MS4A10: variants seen among roughly 807,000 people sequenced by gnomAD.
MS4A10 encodes membrane spanning 4-domains A10.
MS4A10 carries 27 observed loss-of-function variants against 27.7 expected under a neutral mutation model. The observed-to-expected ratio is 0.98, with a 90% confidence interval of 0.72 to 1.35. The LOEUF is 1.35. Among genes scored for constraint, MS4A10 ranks in the 40% most tolerant of loss-of-function variants. MS4A10 has a pLI of 0.00. For synonymous variants in MS4A10, 139 were observed against 131.2 expected (o/e 1.06, Z -0.41); for missense variants, 338 against 324.7 (o/e 1.04, Z -0.32).
rs998141146 is a variant in MS4A10, at chr11:60,801,112, A to G, written c.*1203A>G. On this transcript the variant is annotated 3_prime_UTR_variant, in exon 8 of 8. Coordinates refer to ENST00000308287, the MANE Select transcript of MS4A10 (RefSeq NM_206893.4). ...TGGCTGAAACCCAATCTTTCAAAAC[A>G]TGAAAGGGGGTGATGGAGAAAACCT... 1.3e-5 allele frequency: 2 copies of G among 152,210 alleles called. No individual in the cohort carries two copies. The highest frequency in any genetic ancestry group is 6.5e-5 in the Admixed American group (1 of 15,286). The allele number at this position is 152,210 out of a possible 1,614,324, so 9.4% of individuals were successfully genotyped here.
At chr11:60,789,989 TC>T (rs1854397703) in intron 1 of MS4A10, among the ~76,000 whole-genome samples, 1 of 152,158 alleles carries the variant, frequency 6.6e-6, no homozygotes, top group African/African-American at 2.4e-5. Flanking sequence ...CTCTCGCACC[TC>T]CCAACTCTTC....
At chr11:60,786,169 ACATG>A (rs1854332031) in intron 1 of MS4A10, among the ~76,000 whole-genome samples, 3 of 135,736 alleles carry the variant, frequency 2.2e-5, no homozygotes, top group South Asian at 2.2e-4. Flanking sequence ...GCATGCACAC[ACATG>A]CACACACACA....
rs1356762861 is a variant in MS4A10 at position 60,800,075 on chromosome 11, T to C, written c.*166T>C. 19 of 992,776 alleles carry C rather than the reference T, an allele frequency of 1.9e-5. No homozygotes were observed. Among genetic ancestry groups the C allele is most frequent in the Non-Finnish European group, 2.8e-5 (19 of 674,978 alleles). 61.5% of individuals were successfully genotyped at this position (992,776 alleles called of 1,614,324 possible). A position where few individuals can be genotyped will look rare whatever the true frequency, so the allele number is the denominator to read the frequency against. On this transcript the variant is annotated 3_prime_UTR_variant, in exon 8 of 8. Transcript: ENST00000308287. The stretch of plus-strand genomic sequence containing the variant: ...CTCCTGGGAACGCTGTCCTCTCAGA[T>C]AAGCCATTTCTTACATAGTTGATGG...
At chr11:60,794,337 G>A (rs1049602977) in intron 5 of MS4A10, among the ~76,000 whole-genome samples, 1 of 152,178 alleles carries the variant, frequency 6.6e-6, no homozygotes, top group South Asian at 2.1e-4. Flanking sequence ...TGGGAAATGG[G>A]GCCAGAGACG....
chr11:60,794,986 G>T (rs1854500789), intron 5 of MS4A10, among the ~76,000 whole-genome samples: 1 of 152,136 alleles, frequency 6.6e-6, no homozygotes, highest in Non-Finnish European at 1.5e-5. Context: ...TGCCCACAAG[G>T]GTTCTGACCA....
In MS4A10 at chr11:60,800,076, A is replaced by G; in HGVS notation, c.*167A>G. 1 of 970,882 alleles carries G rather than the reference A, an allele frequency of 1.0e-6. No individual in the cohort carries two copies. Among genetic ancestry groups the G allele is most frequent in the Non-Finnish European group, 1.5e-6 (1 of 655,352 alleles). The allele number at this position is 970,882 out of a possible 1,614,324, so 60.1% of individuals were successfully genotyped here. ...TCCTGGGAACGCTGTCCTCTCAGAT[A>G]AGCCATTTCTTACATAGTTGATGGC... On this transcript the variant is annotated 3_prime_UTR_variant, in exon 8 of 8. Transcript: ENST00000308287.
At chr11:60,789,648 C>A (rs1854393230) in intron 1 of MS4A10, among the ~76,000 whole-genome samples, 1 of 152,214 alleles carries the variant, frequency 6.6e-6, no homozygotes, top group Admixed American at 6.5e-5. Context: ...GTGGCTTAAC[C>A]TTTCTGAGCC....
intron 6 of MS4A10, among the ~76,000 whole-genome samples, chr11:60,797,274 C>A (rs908639444): frequency 1.3e-5 from 2 of 152,176 alleles, no homozygotes; most frequent in Non-Finnish European, 2.9e-5. Context: ...GTGTTCCAGG[C>A]ACTGTGCTAG....
chr11:60,788,785 C>T (rs148181874), intron 1 of MS4A10, among the ~76,000 whole-genome samples: 139 of 152,322 alleles, frequency 9.1e-4, no homozygotes, highest in African/African-American at 3.1e-3. Flanking sequence ...GGGGGTCCTA[C>T]CCAGCAGCCC....
chr11:60,786,450 C>A (rs1257986272), intron 1 of MS4A10, among the ~76,000 whole-genome samples: 1 of 152,106 alleles, frequency 6.6e-6, no homozygotes. Context: ...TCCCTCACGA[C>A]CCCCTACCCC....
chr11:60,795,456 T>G, intron 5 of MS4A10, 99 bp from the exon 6 acceptor site: 1 of 670,774 alleles, frequency 1.5e-6, no homozygotes, highest in Non-Finnish European at 2.3e-6. Flanking sequence ...TGCCCTCTGC[T>G]GTGGATCTTA....
chr11:60,785,745 T>G (rs1365327694), intron 1 of MS4A10, among the ~76,000 whole-genome samples: 1 of 152,126 alleles, frequency 6.6e-6, no homozygotes, highest in African/African-American at 2.4e-5. Flanking sequence ...TTACTGACCC[T>G]TATTGCTGGA....
intron 4 of MS4A10, 61 bp downstream of exon 4, chr11:60,792,382 C>A: frequency 7.7e-7 from 1 of 1,291,144 alleles, no homozygotes; most frequent in Non-Finnish European, 1.1e-6. Flanking sequence ...TTGTTAAGGG[C>A]ATCTGTCTGT....
In MS4A10 at chr11:60,790,451, C is replaced by T; in HGVS notation, c.116C>T (p.Pro39Leu). Residue 39 changes from proline to leucine, a missense_variant, in exon 2 of 8, where the codon CCC becomes CTC. Physicochemically the swap from Pro to Leu is moderately conservative, Grantham distance 98. Transcript: ENST00000308287. The stretch of plus-strand genomic sequence containing the variant: ...AGTGCACCCCAGAACACGACCCAGC[C>T]CAAGCTCCTGGCTCCACACCAGCAC... Reference protein sequence around the residue: ...QTSAPQNTTQPKLLAPHQHEK... With the variant: ...QTSAPQNTTQLKLLAPHQHEK... The T allele has an allele frequency of 1.9e-6, 3 of 1,614,182 alleles. No individual in the cohort carries two copies. The highest frequency in any genetic ancestry group is 2.5e-6 in the Non-Finnish European group (3 of 1,180,040).
intron 1 of MS4A10, among the ~76,000 whole-genome samples, chr11:60,787,493 C>T (rs867073794): frequency 3.3e-5 from 5 of 151,820 alleles, no homozygotes; most frequent in East Asian, 1.9e-4. Flanking sequence ...TTCCTTGTAG[C>T]GGCTCTCTAT....
chr11:60,800,605 C>A lies in MS4A10; in HGVS notation c.*696C>A, dbSNP rs1854616652. ...TCCCTCTTTGTCATCTCTTTCGCTG[C>A]CACTTCTGGCTGTGGTCACTAGCTT... On this transcript the variant is annotated 3_prime_UTR_variant, in exon 8 of 8. Transcript: ENST00000308287. 1 of 152,300 alleles carries A rather than the reference C, an allele frequency of 6.6e-6. No individual in the cohort carries two copies. Among genetic ancestry groups the A allele is most frequent in the African/African-American group, 2.4e-5 (1 of 41,454 alleles). The allele number at this position is 152,300 out of a possible 1,614,324, so 9.4% of individuals were successfully genotyped here. A position where few individuals can be genotyped will look rare whatever the true frequency, so the allele number is the denominator to read the frequency against.
chr11:60,788,877 G>A (rs1019438657), intron 1 of MS4A10, among the ~76,000 whole-genome samples: 7 of 152,158 alleles, frequency 4.6e-5, no homozygotes, highest in African/African-American at 1.7e-4. Flanking sequence ...CATGGCCAAG[G>A]CAGGCAACCT....
chr11:60,785,901 G>A (rs1323411745), intron 1 of MS4A10, among the ~76,000 whole-genome samples: 1 of 152,128 alleles, frequency 6.6e-6, no homozygotes, highest in African/African-American at 2.4e-5. Context: ...CTCCCTCCTT[G>A]GACGGAGGCC....
intron 4 of MS4A10, among the ~76,000 whole-genome samples, chr11:60,793,254 G>A (rs897952729): frequency 6.6e-6 from 1 of 152,160 alleles, no homozygotes; most frequent in African/African-American, 2.4e-5. Context: ...TGACAAAGAC[G>A]TGCCCATTCC....
Sources: allele counts gnomAD v4.1 joint callset (sites outside exome capture counted in the v4.1 genomes callset), GRCh38; gene constraint gnomAD v4.1.1; transcripts MANE v1.5; gene names NCBI Gene and HGNC (gene_info 2026-07-23, HGNC 2026-07-21).